Variants in TTLL13 observed in about 807,000 individuals in gnomAD.
TTLL13 encodes tubulin tyrosine ligase like 13, also known as tubulin polyglutamylase TTLL13.
the TTLL13 span, chr15:90,262,869 A>T: frequency 7.4e-7 from 1 of 1,345,034 alleles, no homozygotes; most frequent in Non-Finnish European, 9.9e-7. Flanking sequence ...CAGGGAAGGG[A>T]TGAGGGTAGA....
the TTLL13 span, chr15:90,255,980 G>T: frequency 1.9e-6 from 3 of 1,586,918 alleles, no homozygotes; most frequent in Non-Finnish European, 2.6e-6. Flanking sequence ...GTCTCAGAGG[G>T]ATGGAAGTGG....
the TTLL13 span, among the ~76,000 whole-genome samples, chr15:90,251,747 G>C: frequency 1.3e-5 from 2 of 150,506 alleles, no homozygotes. Context: ...GGTGTCCTCT[G>C]CCTCAGACAC....
chr15:90,256,605 C>CTT, the TTLL13 span, among the ~76,000 whole-genome samples: 1 of 28,760 alleles, frequency 3.5e-5, no homozygotes, highest in Non-Finnish European at 6.5e-5. Context: ...TTCTTTCTTT[C>CTT]TTTCCTTCCT....
chr15:90,254,770 T>C, the TTLL13 span, among the ~76,000 whole-genome samples: 3 of 151,254 alleles, frequency 2.0e-5, no homozygotes, highest in African/African-American at 7.3e-5. Context: ...CTCTTGAGCC[T>C]GGGAGGCAGA....
At chr15:90,262,264 G>A in the TTLL13 span, 1 of 1,401,590 alleles carries the variant, frequency 7.1e-7, no homozygotes, top group Non-Finnish European at 9.4e-7. Context: ...TTCCCAGCAG[G>A]GAAAGAGGAA....
At chr15:90,259,065 A>C in the TTLL13 span, 3 of 1,484,700 alleles carry the variant, frequency 2.0e-6, no homozygotes, top group South Asian at 2.6e-5. Flanking sequence ...TCATATTTGC[A>C]TTAAAAAAAT....
At chr15:90,260,539 ATTTCAT>A in the TTLL13 span, among the ~76,000 whole-genome samples, 2 of 151,640 alleles carry the variant, frequency 1.3e-5, no homozygotes, top group Non-Finnish European at 2.9e-5. Context: ...TTGTTGCATT[ATTTCAT>A]TTTCATTTGA....
chr15:90,250,957 T>C, the TTLL13 span: 1 of 1,545,048 alleles, frequency 6.5e-7, no homozygotes, highest in East Asian at 2.3e-5. Flanking sequence ...CTTCAACATC[T>C]GGAGGAGCTG....
At chr15:90,258,432 G>C in the TTLL13 span, 1 of 679,860 alleles carries the variant, frequency 1.5e-6, no homozygotes. Context: ...CTACCCTTTT[G>C]ACCTGCTGAG....
the TTLL13 span, among the ~76,000 whole-genome samples, chr15:90,259,519 A>G: frequency 6.6e-6 from 1 of 152,166 alleles, no homozygotes; most frequent in Non-Finnish European, 1.5e-5. Context: ...TCCTACTATC[A>G]TATGTATATA....
the TTLL13 span, chr15:90,256,343 T>C: frequency 2.5e-6 from 4 of 1,610,448 alleles, no homozygotes; most frequent in South Asian, 2.2e-5. Flanking sequence ...TCCCCAGCAC[T>C]GGGCTGCCTC....
chr15:90,256,371 G>A, the TTLL13 span: 2 of 1,590,248 alleles, frequency 1.3e-6, no homozygotes, highest in African/African-American at 1.3e-5. Flanking sequence ...CCAAAAGCCA[G>A]GGAGGAAGCT....
At chr15:90,257,074 AG>A in the TTLL13 span, 501 of 1,481,220 alleles carry the variant, frequency 3.4e-4, 3 homozygotes, top group Admixed American at 3.6e-3. Flanking sequence ...TGAAGCACTT[AG>A]AACAGCACAT....
the TTLL13 span, chr15:90,265,268 C>T: frequency 6.4e-6 from 8 of 1,257,158 alleles, no homozygotes; most frequent in African/African-American, 1.5e-5. Context: ...CTAGGTGCGG[C>T]CCGGGGCTGG....
chr15:90,257,482 T>A, the TTLL13 span, among the ~76,000 whole-genome samples: 1 of 152,006 alleles, frequency 6.6e-6, no homozygotes, highest in African/African-American at 2.4e-5. Flanking sequence ...CAGCACACAC[T>A]CTTCCCCAGG....
At chr15:90,261,924 C>A in the TTLL13 span, 2 of 1,193,166 alleles carry the variant, frequency 1.7e-6, no homozygotes, top group South Asian at 1.9e-5. Flanking sequence ...GCAGGAGGGT[C>A]TCCAAACCTT....
chr15:90,262,058 G>A, the TTLL13 span: 2 of 1,535,990 alleles, frequency 1.3e-6, no homozygotes, highest in Non-Finnish European at 1.7e-6. Context: ...GGAACGATAT[G>A]AGGATTCTCA....
chr15:90,256,606 T>TTCCTTTCCTTCC, the TTLL13 span, among the ~76,000 whole-genome samples: 2 of 30,510 alleles, frequency 6.6e-5, no homozygotes, highest in African/African-American at 1.4e-4. Context: ...TCTTTCTTTC[T>TTCCTTTCCTTCC]TTCCTTCCTT....
the TTLL13 span, chr15:90,262,736 T>C: frequency 7.3e-7 from 1 of 1,376,792 alleles, no homozygotes; most frequent in Non-Finnish European, 9.6e-7. Flanking sequence ...GATAGGGGAA[T>C]GAATCTCTGC....
Sources: gnomAD v4.1 joint callset for allele counts (sites outside exome capture counted in the v4.1 genomes callset) on GRCh38, gnomAD v4.1.1 for gene constraint, MANE v1.5 for transcripts, NCBI Gene and HGNC (gene_info 2026-07-23, HGNC 2026-07-21) for gene names.